The following FRMPD4 variants were observed in gnomAD, a reference collection of about 807,000 sequenced individuals.
FRMPD4 encodes the protein FERM and PDZ domain containing 4.
In FRMPD4, 22 loss-of-function variants were observed where a neutral mutation model predicts 94.1. The observed-to-expected ratio is 0.23, with a 90% CI of 0.17 to 0.33. FRMPD4 has a LOEUF of 0.33. Ranked by LOEUF, FRMPD4 falls within the 10% of genes least tolerant of loss-of-function variation. FRMPD4 has a pLI of 1.00. For missense variants in FRMPD4, 1,111 were observed against 1,339.9 expected (o/e 0.83, Z 2.67); for synonymous variants, 631 against 548.6 (o/e 1.15, Z -2.10).
At chrX:12,310,227 G>T (rs969444703) in intron 1 of FRMPD4, among the ~76,000 whole-genome samples, 1 of 108,751 alleles carries the variant, frequency 9.2e-6, no homozygotes, top group Admixed American at 9.8e-5. Flanking sequence ...GGAGTGGGGG[G>T]TCGCAAGGTG....
At chrX:12,679,038 A>G (rs1157809794) in intron 5 of FRMPD4, among the ~76,000 whole-genome samples, 1 of 112,138 alleles carries the variant, frequency 8.9e-6, no homozygotes, top group Non-Finnish European at 1.9e-5. Context: ...GAGAGAGGCT[A>G]CACACCTCCT....
chrX:11,910,315 A>G (rs2053989846), intron 3 of FRMPD4, among the ~76,000 whole-genome samples: 1 of 112,507 alleles, frequency 8.9e-6, no homozygotes, highest in Non-Finnish European at 1.9e-5. Flanking sequence ...GAGGCATTAT[A>G]AAACATATAC....
At chrX:12,645,079 A>T (rs774273648) in intron 4 of FRMPD4, among the ~76,000 whole-genome samples, 1 of 111,479 alleles carries the variant, frequency 9.0e-6, no homozygotes, top group Admixed American at 9.5e-5. Flanking sequence ...TTTTTAAAGG[A>T]ACCATTAATG....
chrX:12,341,287 A>C (rs1267074425), intron 1 of FRMPD4, among the ~76,000 whole-genome samples: 1 of 111,632 alleles, frequency 9.0e-6, no homozygotes, highest in Non-Finnish European at 1.9e-5. Context: ...AAAATTAATC[A>C]GAAAGCAATG....
intron 1 of FRMPD4, among the ~76,000 whole-genome samples, chrX:12,326,479 C>T (rs1488345069): frequency 9.0e-6 from 1 of 111,400 alleles, no homozygotes; most frequent in Non-Finnish European, 1.9e-5. Flanking sequence ...AATCCCCCAC[C>T]CCCAGTTGTG....
At chrX:12,118,959 C>T (rs2055432317) in intron 3 of FRMPD4, among the ~76,000 whole-genome samples, 1 of 111,162 alleles carries the variant, frequency 9.0e-6, no homozygotes, top group African/African-American at 3.3e-5. Context: ...ATCTCAAGGA[C>T]TCCCAGATAC....
chrX:12,266,128 G>C (rs192605088), intron 1 of FRMPD4, among the ~76,000 whole-genome samples: 5,627 of 49,991 alleles, frequency 0.11, 259 homozygotes, highest in South Asian at 0.19. Context: ...GCGAGACTCC[G>C]TCTCAAAAAA....
chrX:12,602,732 C>G lies in FRMPD4; in HGVS notation c.159-6989C>G, dbSNP rs185198978. 3.6e-5 allele frequency among the ~76,000 whole-genome samples: 4 copies of G among 111,804 alleles called. No homozygotes were observed. The East Asian group carries it at 1.1e-3, about 31-fold the overall frequency. On this transcript the variant is annotated intron_variant, in intron 2 of 16. Transcript: ENST00000675598. ...GGCTGGGCAGCTCTGCTATACTTAGCTTCTCACTGAGGTGCAGGCTCTGGT... is the reference window on the plus strand; with the variant it reads ...GGCTGGGCAGCTCTGCTATACTTAGGTTCTCACTGAGGTGCAGGCTCTGGT...
upstream of FRMPD4, among the ~76,000 whole-genome samples, chrX:12,135,935 A>T (rs2055592307): frequency 9.0e-6 from 1 of 111,491 alleles, no homozygotes; most frequent in African/African-American, 3.3e-5. Context: ...TGACTCAGAG[A>T]TGAGGGAACG....
At chrX:12,129,754 G>A (rs768268494) in intron 3 of FRMPD4, among the ~76,000 whole-genome samples, 1 of 111,452 alleles carries the variant, frequency 9.0e-6, no homozygotes, top group Non-Finnish European at 1.9e-5. Flanking sequence ...CTGGCTGTGT[G>A]GTCTCTAATC....
intron 1 of FRMPD4, among the ~76,000 whole-genome samples, chrX:12,250,846 G>A (rs1394523769): frequency 2.7e-5 from 3 of 110,755 alleles, no homozygotes; most frequent in South Asian, 3.8e-4. Flanking sequence ...GACCTCCACC[G>A]CTCTGCTCCC....
intron 1 of FRMPD4, among the ~76,000 whole-genome samples, chrX:12,393,568 T>G (rs2056505088): frequency 8.9e-6 from 1 of 112,130 alleles, no homozygotes; most frequent in African/African-American, 3.2e-5. Flanking sequence ...CCTTTCTAAA[T>G]GGGTTATTTG....
At chrX:11,967,944 G>T (rs2054320094) in intron 3 of FRMPD4, among the ~76,000 whole-genome samples, 1 of 109,543 alleles carries the variant, frequency 9.1e-6, no homozygotes, top group Non-Finnish European at 1.9e-5. Flanking sequence ...ATGTCTATTT[G>T]ACCACATAGG....
chrX:12,195,798 T>C (rs762875673), intron 1 of FRMPD4, among the ~76,000 whole-genome samples: 1 of 111,955 alleles, frequency 8.9e-6, no homozygotes, highest in Non-Finnish European at 1.9e-5. Flanking sequence ...TCTGCAGAGA[T>C]GTAGACTTTT....
At chrX:12,565,668 T>C in intron 2 of FRMPD4, among the ~76,000 whole-genome samples, 1 of 111,899 alleles carries the variant, frequency 8.9e-6, no homozygotes, top group Non-Finnish European at 1.9e-5. Context: ...CTAAGTGCAA[T>C]GTGGCACCTG....
intron 1 of FRMPD4, among the ~76,000 whole-genome samples, chrX:12,260,808 G>A (rs2054178152): frequency 9.0e-6 from 1 of 111,676 alleles, no homozygotes; most frequent in Non-Finnish European, 1.9e-5. Context: ...TCCCAATAAA[G>A]CATGCTGTTT....
chrX:12,294,255 T>C (rs945963503), intron 1 of FRMPD4, among the ~76,000 whole-genome samples: 1 of 111,262 alleles, frequency 9.0e-6, no homozygotes, highest in African/African-American at 3.3e-5. Flanking sequence ...TATTGCTCCA[T>C]ATGATGAAAT....
intron 3 of FRMPD4, among the ~76,000 whole-genome samples, chrX:12,123,123 C>CTTTTTTTTTTTTTTTTT (rs58251577): frequency 5.9e-5 from 5 of 84,329 alleles, no homozygotes; most frequent in Non-Finnish European, 6.9e-5. Flanking sequence ...ATTTTCTTTT[C>CTTTTTTTTTTTTTTTTT]TTTTTTTTTT....
At chrX:12,099,820 A>G (rs1417466472) in intron 3 of FRMPD4, among the ~76,000 whole-genome samples, 1 of 112,688 alleles carries the variant, frequency 8.9e-6, no homozygotes, top group Non-Finnish European at 1.9e-5. Context: ...AGATGGTTCA[A>G]ATCCCAGGCC....
Sources: allele counts gnomAD v4.1 joint callset (sites outside exome capture counted in the v4.1 genomes callset), GRCh38; gene constraint gnomAD v4.1.1; transcripts MANE v1.5; gene names NCBI Gene and HGNC (gene_info 2026-07-23, HGNC 2026-07-21).